TENM2: variants seen among roughly 807,000 people sequenced by gnomAD.
TENM2 encodes the protein teneurin-2.
In TENM2, 52 loss-of-function variants were observed where a neutral mutation model predicts 245.2. The observed-to-expected ratio is 0.21, with a 90% CI of 0.17 to 0.27. The LOEUF (loss-of-function observed/expected upper bound fraction) is 0.27, where lower values mean the gene tolerates loss of function less well. Ranked by LOEUF, TENM2 falls within the 10% of genes least tolerant of loss-of-function variation. The probability of loss-of-function intolerance (pLI) is 1.00; values close to 1 mark genes in which losing one functional copy is unlikely to be tolerated. For missense variants in TENM2, 3,046 were observed against 3,666.8 expected (o/e 0.83, Z 4.37); for synonymous variants, 1,363 against 1,438.9 (o/e 0.95, Z 1.19).
At chr5:167,032,216 CA>C in the TENM2 span, among the ~76,000 whole-genome samples, 1 of 152,132 alleles carries the variant, frequency 6.6e-6, no homozygotes, top group African/African-American at 2.4e-5. Flanking sequence ...GGTAAAACCT[CA>C]AAAAATTTGC....
chr5:167,670,650 G>A (rs1260381642), intron 2 of TENM2, among the ~76,000 whole-genome samples: 2 of 152,042 alleles, frequency 1.3e-5, no homozygotes, highest in Non-Finnish European at 2.9e-5. Flanking sequence ...ATTACCTCCT[G>A]GGACATGCAC....
At chr5:167,822,678 A>G (rs1040951183) in intron 2 of TENM2, among the ~76,000 whole-genome samples, 5 of 15,326 alleles carry the variant, frequency 3.3e-4, no homozygotes, top group Non-Finnish European at 6.0e-4. Context: ...ACTTTTTTCC[A>G]GGGGTCTTTT....
chr5:167,261,447 G>A, the TENM2 span, among the ~76,000 whole-genome samples: 7 of 152,094 alleles, frequency 4.6e-5, no homozygotes, highest in Non-Finnish European at 8.8e-5. Context: ...AGATTCTGAC[G>A]CAAAGTAACC....
the TENM2 span, among the ~76,000 whole-genome samples, chr5:167,108,345 C>T: frequency 0.031 from 4,645 of 152,166 alleles, 111 homozygotes; most frequent in Non-Finnish European, 0.046. Flanking sequence ...AGGCTGGTCT[C>T]GAACTGCTGA....
At chr5:168,206,497 G>A (rs1447520253) in intron 19 of TENM2, among the ~76,000 whole-genome samples, 2 of 152,188 alleles carry the variant, frequency 1.3e-5, no homozygotes, top group South Asian at 2.1e-4. Flanking sequence ...AAGGGCCAAA[G>A]GCCAACCATT....
At chr5:167,441,666 C>A (rs2127460298) in intron 2 of TENM2, among the ~76,000 whole-genome samples, 1 of 152,268 alleles carries the variant, frequency 6.6e-6, no homozygotes, top group Admixed American at 6.5e-5. Context: ...TGGTCTTAAC[C>A]CTTTCTCTTG....
At chr5:167,524,825 A>G (rs1214099545) in intron 2 of TENM2, among the ~76,000 whole-genome samples, 1 of 151,444 alleles carries the variant, frequency 6.6e-6, no homozygotes, top group Non-Finnish European at 1.5e-5. Flanking sequence ...CTCTTACTAC[A>G]TAAGAATTTT....
At chr5:167,694,073 G>A (rs1177273701) in intron 2 of TENM2, among the ~76,000 whole-genome samples, 1 of 152,136 alleles carries the variant, frequency 6.6e-6, no homozygotes, top group Non-Finnish European at 1.5e-5. Flanking sequence ...TGAGATTTTA[G>A]TATTATCAGA....
chr5:167,941,558 A>C (rs1203354741), intron 3 of TENM2, among the ~76,000 whole-genome samples: 1 of 152,138 alleles, frequency 6.6e-6, no homozygotes, highest in East Asian at 1.9e-4. Context: ...TTGAAATAAT[A>C]ATCCTGGCTG....
At chr5:167,621,087 T>C (rs1294938541) in intron 2 of TENM2, among the ~76,000 whole-genome samples, 1 of 152,124 alleles carries the variant, frequency 6.6e-6, no homozygotes, top group Admixed American at 6.6e-5. Context: ...GATTTACTTA[T>C]CCATTCAGCA....
intron 2 of TENM2, among the ~76,000 whole-genome samples, chr5:167,618,647 T>A (rs1218321121): frequency 6.6e-6 from 1 of 152,140 alleles, no homozygotes; most frequent in African/African-American, 2.4e-5. Context: ...AGCAGAATAG[T>A]TGTCCCAGCC....
chr5:167,510,451 T>G (rs535931236), intron 2 of TENM2, among the ~76,000 whole-genome samples: 1 of 152,304 alleles, frequency 6.6e-6, no homozygotes, highest in African/African-American at 2.4e-5. Flanking sequence ...AAAATGCCAT[T>G]GCTCTTGGAA....
chr5:167,074,339 C>T, the TENM2 span, among the ~76,000 whole-genome samples: 6 of 151,752 alleles, frequency 4.0e-5, no homozygotes, highest in South Asian at 2.1e-4. Context: ...TCTGCAAAAG[C>T]GAGACATTAG....
At chr5:167,889,678 C>T (rs949645723) in intron 3 of TENM2, among the ~76,000 whole-genome samples, 1 of 152,040 alleles carries the variant, frequency 6.6e-6, no homozygotes, top group Non-Finnish European at 1.5e-5. Context: ...TGTGACTCTC[C>T]CTCTTTCTCT....
intron 7 of TENM2, among the ~76,000 whole-genome samples, chr5:168,083,809 G>T (rs1792209713): frequency 6.6e-6 from 1 of 152,042 alleles, no homozygotes; most frequent in African/African-American, 2.4e-5. Context: ...TATGTTGCAT[G>T]ATGCTAAGGT....
At chr5:167,693,427 T>G (rs1757558605) in intron 2 of TENM2, among the ~76,000 whole-genome samples, 1 of 152,192 alleles carries the variant, frequency 6.6e-6, no homozygotes, top group Admixed American at 6.5e-5. Flanking sequence ...TTACATAATT[T>G]TCCTGTAAGA....
At chr5:167,556,366 T>A (rs1273778235) in intron 2 of TENM2, among the ~76,000 whole-genome samples, 1 of 151,686 alleles carries the variant, frequency 6.6e-6, no homozygotes, top group African/African-American at 2.4e-5. Context: ...CTTTCTGAAT[T>A]GTTATTCTAA....
intron 2 of TENM2, among the ~76,000 whole-genome samples, chr5:167,688,247 C>T (rs1344915073): frequency 1.3e-5 from 2 of 152,142 alleles, no homozygotes; most frequent in African/African-American, 2.4e-5. Context: ...ACAGCAATGG[C>T]GTGGCGTTTT....
At chr5:167,707,230 A>G (rs1758597318) in intron 2 of TENM2, among the ~76,000 whole-genome samples, 1 of 151,978 alleles carries the variant, frequency 6.6e-6, no homozygotes, top group Admixed American at 6.5e-5. Flanking sequence ...ATATCTATTC[A>G]GTTCCTTTGT....
Sources: gnomAD v4.1 joint callset for allele counts (sites outside exome capture counted in the v4.1 genomes callset) on GRCh38, gnomAD v4.1.1 for gene constraint, MANE v1.5 for transcripts, NCBI Gene and HGNC (gene_info 2026-07-23, HGNC 2026-07-21) for gene names.